MYH3: variants seen among roughly 807,000 people sequenced by gnomAD.
MYH3 encodes myosin-3.
In MYH3, 130 loss-of-function variants were observed where a neutral mutation model predicts 238.0. The ratio of observed to expected loss-of-function variants is 0.55; its 90% CI spans 0.47 to 0.63. The LOEUF (loss-of-function observed/expected upper bound fraction) is 0.63, where lower values mean the gene tolerates loss of function less well. Among genes scored for constraint, MYH3 ranks in the 30% least tolerant of loss-of-function variants. The probability of loss-of-function intolerance (pLI) is 0.00; values close to 1 mark genes in which losing one functional copy is unlikely to be tolerated. For missense variants in MYH3, 1,853 were observed against 2,374.9 expected (o/e 0.78, Z 4.57); for synonymous variants, 880 against 924.1 (o/e 0.95, Z 0.86).
chr17:10,644,065 C>G (rs2074297434), intron 14 of MYH3, among the ~76,000 whole-genome samples: 1 of 151,804 alleles, frequency 6.6e-6, no homozygotes, highest in African/African-American at 2.4e-5. Context: ...GAGGCTGAGG[C>G]AGGAGGTTCA....
rs556820235 is a variant in MYH3 at position 10,634,639 on chromosome 17, T to C, written c.4356+201A>G. 1.1e-4 allele frequency among the ~76,000 whole-genome samples: 17 copies of C among 152,284 alleles called. No homozygotes were observed. In the South Asian group the frequency reaches 2.1e-3, roughly 19 times the overall value. ...ATTGGTTTGTTTCCACGGACAACAT[T>C]TGAAAGGGACCTCTACCCCCAGCCC... On this transcript the variant is annotated intron_variant, in intron 31 of 40. Transcript: ENST00000583535.
At position 10,633,769 on chromosome 17, in the gene MYH3, A is replaced by G. The variant is rs567183603; in HGVS notation, c.4523-54T>C. On this transcript the variant is annotated intron_variant, in intron 32 of 40. Coordinates refer to ENST00000583535, the MANE Select transcript of MYH3 (RefSeq NM_002470.4). ...TGAGCGCCTCTGCGTGGGTTTCCAG[A>G]CATGCAAAGCATTGACTCAATGCTT... The G allele has an allele frequency of 1.8e-4, 297 of 1,608,632 alleles. 5 individuals are homozygous for G. The South Asian group carries it at 3.2e-3, about 17-fold the overall frequency.
chr17:10,643,051 G>A (rs1475490902), intron 14 of MYH3, 55 bp from the exon 15 acceptor site: 5 of 1,613,710 alleles, frequency 3.1e-6, no homozygotes, highest in Non-Finnish European at 4.2e-6. Flanking sequence ...CAGAATCAAA[G>A]ACTGTCAACA....
chr17:10,635,277 C>CA (rs2074202556), intron 30 of MYH3, 90 bp downstream of exon 30: 1 of 1,601,266 alleles, frequency 6.2e-7, no homozygotes, highest in Non-Finnish European at 8.5e-7. Context: ...CATTTAAAGA[C>CA]ACATGAGATG....
At chr17:10,646,129 G>C (rs772922187) in intron 10 of MYH3, 97 bp from the exon 11 acceptor site, 1 of 935,828 alleles carries the variant, frequency 1.1e-6, no homozygotes, top group South Asian at 1.4e-5. Context: ...AACTTTTACC[G>C]CTGGATCCTA....
chr17:10,651,911 T>C (rs2074379916), intron 4 of MYH3: 3 of 488,914 alleles, frequency 6.1e-6, no homozygotes, highest in Non-Finnish European at 1.1e-5. Context: ...GCCCGGCTAA[T>C]TTTTGTATTT....
chr17:10,644,542 C>T (rs781690778), intron 13 of MYH3, 42 bp from the exon 14 acceptor site: 3 of 1,613,470 alleles, frequency 1.9e-6, no homozygotes, highest in African/African-American at 1.3e-5. Flanking sequence ...AAGGAAGTGG[C>T]CAGCAGGGTC....
rs781679069 is a variant in MYH3 at position 10,641,222 on chromosome 17, A to G, written c.2048-20T>C. ...TAGCCCCTGGGAACAGAAGCGAGAT[A>G]TCAGCCTTACACAGAATTTCTTAAA... is the stretch of plus-strand genomic sequence containing the variant. On this transcript the variant is annotated intron_variant, in intron 18 of 40. Transcript: ENST00000583535. The G allele has an allele frequency of 1.2e-6, 2 of 1,612,114 alleles. No individual in the cohort carries two copies. The highest frequency in any genetic ancestry group is 1.7e-6 in the Non-Finnish European group (2 of 1,178,134).
rs113678512 is a variant in MYH3, at chr17:10,639,344, T to C, written c.3056A>G (p.Asn1019Ser). The C allele has an allele frequency of 8.7e-6, 14 of 1,614,080 alleles. No homozygotes were observed. The highest frequency in any genetic ancestry group is 9.3e-6 in the Non-Finnish European group (11 of 1,180,042). ...DDLQAEEDKV[N>S]SLNKTKSKLE... ...TTTGCTCTTGGTTTTGTTCAAAGAA[T>C]TGACTTTGTCTTCTTCAGCTTGGAG... Residue 1019 changes from asparagine to serine, a missense_variant, in exon 24 of 41, where the codon AAT (asparagine) becomes AGT (serine). Asn to Ser is a conservative substitution (Grantham distance 46). Around this residue, in one of 3 missense-constraint regions of MYH3, gnomAD observed 1,044 missense variants for 1,192.6 expected, o/e 0.88. Coordinates refer to ENST00000583535, the MANE Select transcript of MYH3 (RefSeq NM_002470.4).
chr17:10,661,991 T>C (rs1237911536), upstream of MYH3, among the ~76,000 whole-genome samples: 2 of 152,038 alleles, frequency 1.3e-5, no homozygotes, highest in African/African-American at 4.8e-5. Context: ...TTCAACTATA[T>C]TATGCACCTT....
At position 10,630,445 on chromosome 17, in the gene MYH3, G is replaced by A. The variant is rs770274849; in HGVS notation, c.5300C>T (p.Ala1767Val). 15 of 1,614,110 alleles carry A rather than the reference G, an allele frequency of 9.3e-6. No individual in the cohort carries two copies. The highest frequency in any genetic ancestry group is 4.5e-5 in the East Asian group (2 of 44,868). The change falls in exon 37 of 41, where the codon GCG becomes GTG. Residue 1767 changes from alanine to valine, a missense_variant. Physicochemically the swap from Ala to Val is moderately conservative, Grantham distance 64 (BLOSUM62 0). This residue lies in a region of MYH3 where 1,044 missense variants were observed against 1,192.6 expected (regional missense o/e 0.88). Coordinates refer to ENST00000583535, the MANE Select transcript of MYH3 (RefSeq NM_002470.4). ...GTCCTGCTCCTTCTTCAGCTCCTCCGCCATCATGGCAGCCTGAAAAGCACA... is the reference window on the plus strand; with the variant it reads ...GTCCTGCTCCTTCTTCAGCTCCTCCACCATCATGGCAGCCTGAAAAGCACA... Reference protein sequence around the residue: ...KKAITDAAMMAEELKKEQDTS... With the variant: ...KKAITDAAMMVEELKKEQDTS...
At chr17:10,645,552 A>T (rs888697814) in intron 12 of MYH3, among the ~76,000 whole-genome samples, 155 bp downstream of exon 12, 2 of 151,570 alleles carry the variant, frequency 1.3e-5, no homozygotes, top group African/African-American at 2.4e-5. Context: ...CGAACTCCTG[A>T]CCTCAGGTGA....
Position 10,629,567 on chromosome 17 carries a change from G to A in MYH3, c.5796+30C>T, listed in dbSNP as rs12940161. 1,110,200 of 1,611,162 alleles carry A rather than the reference G, an allele frequency of 0.69. 392,091 individuals are homozygous for A. Among genetic ancestry groups the A allele is most frequent in the Non-Finnish European group, 0.73 (864,848 of 1,179,586 alleles). On this transcript the variant is annotated intron_variant, in intron 40 of 40. Coordinates refer to ENST00000583535, the MANE Select transcript of MYH3 (RefSeq NM_002470.4). ...GCTAAGAAGTTTCTACAGTCCCTGG[G>A]GGGGGGCTCCTCCCAGCTCAGCGAC...
At position 10,654,129 on chromosome 17, in the gene MYH3, CTTTTA is replaced by C. The variant is rs1330172523; in HGVS notation, c.204+727_204+731del. On this transcript the variant is annotated intron_variant, in intron 3 of 40. Transcript: ENST00000583535. This position sits in a 1 kb window ranked among gnomAD's most constrained non-coding sequence, Gnocchi z 4.5. ...ATGATAGTATTTCCTTTACTTGTCT[CTTTTA>C]TTTTCTTTCTTTCTTTCTCTTTCTT... Among the ~76,000 whole-genome samples the C allele has an allele frequency of 1.4e-5, 2 of 145,904 alleles. No homozygotes were observed. Among genetic ancestry groups the C allele is most frequent in the Non-Finnish European group, 3.0e-5 (2 of 66,114 alleles).
chr17:10,638,576 G>C, intron 26 of MYH3, 144 bp from the exon 27 acceptor site: 2 of 1,140,486 alleles, frequency 1.8e-6, no homozygotes, highest in East Asian at 2.6e-5. Context: ...CCTTTCACAG[G>C]AATTTTTTCT....
rs1398904641 is a variant in MYH3 at position 10,634,990 on chromosome 17, C to T, written c.4206G>A (p.Glu1402=). 6.2e-7 allele frequency: 1 copy of T among 1,613,996 alleles called. No individual in the cohort carries two copies. The highest frequency in any genetic ancestry group is 8.5e-7 in the Non-Finnish European group (1 of 1,180,036). The change falls in exon 31 of 41, where the codon GAG becomes GAA. Residue 1402 remains glutamate, a synonymous_variant. Transcript: ENST00000583535. ...TAGCATTCACTGCCTCAACCTGTTC[C>T]TCGGAATCTTGAAGGCGCTGAGCAA... The part of the protein sequence containing the change: ...KKLAQRLQDS[E]EQVEAVNAKC...
intron 40 of MYH3, among the ~76,000 whole-genome samples, chr17:10,629,130 T>C (rs1232691407): frequency 6.6e-6 from 1 of 152,192 alleles, no homozygotes; most frequent in African/African-American, 2.4e-5. Flanking sequence ...ATCTAGGTTT[T>C]AGGCCCCACG....
intron 31 of MYH3, 116 bp downstream of exon 31, chr17:10,634,724 C>G: frequency 7.6e-7 from 1 of 1,313,280 alleles, no homozygotes; most frequent in East Asian, 2.3e-5. Flanking sequence ...GGGACTTGCC[C>G]AAGGCCACAC....
Position 10,629,867 on chromosome 17 carries a change from G to A in MYH3, c.5633C>T (p.Ser1878Phe). The A allele has an allele frequency of 6.2e-7, 1 of 1,614,070 alleles. No homozygotes were observed. Among genetic ancestry groups the A allele is most frequent in the South Asian group, 1.1e-5 (1 of 91,070 alleles). Residue 1878 changes from serine to phenylalanine, a missense_variant, in exon 39 of 41, where the codon TCC becomes TTC. Coordinates refer to ENST00000583535, the MANE Select transcript of MYH3 (RefSeq NM_002470.4). ...LVDKLQVKVKSYKRQAEEADE... is the reference protein window; with the variant it reads ...LVDKLQVKVKFYKRQAEEADE... Reference sequence around the variant, plus strand: ...AGCCTCCTCCGCCTGCCTCTTGTAGGACTTGACTTTCACTTGCAGTTTATC... The same window carrying A: ...AGCCTCCTCCGCCTGCCTCTTGTAGAACTTGACTTTCACTTGCAGTTTATC...
Sources: gnomAD v4.1 joint callset for allele counts (sites outside exome capture counted in the v4.1 genomes callset) on GRCh38, gnomAD v4.1.1 for gene constraint, gnomAD v4.1.1 regional missense constraint, Gnocchi (gnomAD v3.1) non-coding constraint, MANE v1.5 for transcripts, NCBI Gene and HGNC (gene_info 2026-07-23, HGNC 2026-07-21) for gene names.